The following ADCY8 variants were observed in gnomAD, a reference collection of about 807,000 sequenced individuals.
ADCY8 encodes adenylate cyclase 8.
In ADCY8, 51 loss-of-function variants were observed where a neutral mutation model predicts 119.7. The ratio of observed to expected loss-of-function variants is 0.43; its 90% confidence interval spans 0.34 to 0.54. ADCY8 has a LOEUF of 0.54. Ranked by LOEUF, ADCY8 falls within the 20% of genes least tolerant of loss-of-function variation. ADCY8 has a pLI of 0.03. For missense variants in ADCY8, 1,383 were observed against 1,598.8 expected (o/e 0.87, Z 2.30); for synonymous variants, 665 against 651.0 (o/e 1.02, Z -0.33).
intron 12 of ADCY8, among the ~76,000 whole-genome samples, chr8:130,834,057 C>T (rs1326026817): frequency 6.6e-6 from 1 of 151,890 alleles, no homozygotes; most frequent in Non-Finnish European, 1.5e-5. Context: ...GTGCTGTCAC[C>T]ACCTACAAAA....
At chr8:130,893,116 G>T (rs1435719451) in intron 7 of ADCY8, among the ~76,000 whole-genome samples, 4 of 152,142 alleles carry the variant, frequency 2.6e-5, no homozygotes, top group Admixed American at 6.5e-5. Context: ...TTAAACTTCT[G>T]CAGAATTGGC....
intron 5 of ADCY8, among the ~76,000 whole-genome samples, chr8:130,921,452 T>TTC (rs1171918670): frequency 2.7e-5 from 4 of 147,538 alleles, no homozygotes; most frequent in Admixed American, 6.7e-5. Context: ...TTCTTTTCTT[T>TTC]TTTTTTTTTT....
chr8:131,039,367 G>C lies in ADCY8; in HGVS notation c.960+7C>G. The C allele has an allele frequency of 6.2e-7, 1 of 1,611,718 alleles. No homozygotes were observed. Among genetic ancestry groups the C allele is most frequent in the Non-Finnish European group, 8.5e-7 (1 of 1,178,158 alleles). On this transcript the variant is annotated splice_region_variant and intron_variant, in intron 1 of 17. Coordinates refer to ENST00000286355, the MANE Select transcript of ADCY8 (RefSeq NM_001115.3). ...GGGGAAACAAATGCAAGGCAGGCAG[G>C]AGTTACCTGGTTGATGGAAATGACC...
intron 16 of ADCY8, among the ~76,000 whole-genome samples, chr8:130,785,078 G>C (rs536290212): frequency 6.6e-6 from 1 of 152,294 alleles, no homozygotes; most frequent in African/African-American, 2.4e-5. Context: ...GCTAGTATTA[G>C]GGGTTTAGTA....
chr8:130,866,386 C>T (rs775815384), intron 9 of ADCY8, among the ~76,000 whole-genome samples: 2 of 152,098 alleles, frequency 1.3e-5, no homozygotes, highest in Non-Finnish European at 2.9e-5. Context: ...TCCTGGGGCC[C>T]CTTCTCACCC....
In ADCY8 at chr8:130,903,879, C is replaced by T. The variant is rs761767210; in HGVS notation, c.1804G>A (p.Val602Ile). Residue 602 changes from valine to isoleucine, a missense_variant, in exon 7 of 18, where the codon GTC (valine) becomes ATC (isoleucine). By Grantham distance (29) the Val-to-Ile change is conservative. Coordinates refer to ENST00000286355, the MANE Select transcript of ADCY8 (RefSeq NM_001115.3). Reference protein sequence around the residue: ...DSLLSLPEDIVKESVSSSDRR... With the variant: ...DSLLSLPEDIIKESVSSSDRR... The stretch of plus-strand genomic sequence containing the variant: ...TCTGAGGAGCTCACTGACTCCTTGA[C>T]GATATCTTCAGGCAAGGACAGCAGA... 40 of 1,613,944 alleles carry T rather than the reference C, an allele frequency of 2.5e-5. No homozygotes were observed. The highest frequency in any genetic ancestry group is 6.7e-5 in the East Asian group (3 of 44,844).
intron 4 of ADCY8, among the ~76,000 whole-genome samples, chr8:130,942,800 A>G (rs1443987636): frequency 2.6e-5 from 4 of 152,242 alleles, no homozygotes. Context: ...TTTTGATAGC[A>G]AATGTCCATC....
At chr8:130,844,015 C>T (rs1410344995) in intron 11 of ADCY8, among the ~76,000 whole-genome samples, 1 of 152,090 alleles carries the variant, frequency 6.6e-6, no homozygotes, top group Non-Finnish European at 1.5e-5. Flanking sequence ...GAAGGAAATG[C>T]CAGCATGCCA....
At chr8:130,838,733 A>G (rs1817061593) in intron 11 of ADCY8, among the ~76,000 whole-genome samples, 1 of 141,946 alleles carries the variant, frequency 7.0e-6, no homozygotes, top group Middle Eastern at 3.5e-3. Flanking sequence ...TTGAGTGCCT[A>G]TTACAATCAA....
intron 15 of ADCY8, among the ~76,000 whole-genome samples, chr8:130,792,654 G>A (rs1440234343): frequency 6.6e-6 from 1 of 152,106 alleles, no homozygotes; most frequent in East Asian, 1.9e-4. Context: ...TTCAGGTTCT[G>A]ACCCTGTCTC....
intron 2 of ADCY8, among the ~76,000 whole-genome samples, chr8:130,982,772 C>A (rs1822277063): frequency 6.6e-6 from 1 of 152,206 alleles, no homozygotes; most frequent in Admixed American, 6.5e-5. Context: ...TTCCAAATAT[C>A]ATTTCAATGT....
At chr8:130,893,886 G>A (rs906752230) in intron 7 of ADCY8, among the ~76,000 whole-genome samples, 3 of 151,878 alleles carry the variant, frequency 2.0e-5, no homozygotes, top group Admixed American at 1.3e-4. Flanking sequence ...GTTTGCGGGT[G>A]TGCATGTTTG....
At chr8:131,004,191 A>C (rs1405291219) in intron 1 of ADCY8, among the ~76,000 whole-genome samples, 1 of 152,164 alleles carries the variant, frequency 6.6e-6, no homozygotes, top group Admixed American at 6.5e-5. Context: ...AGCAAAGAAC[A>C]GGCAAAGTAA....
intron 15 of ADCY8, among the ~76,000 whole-genome samples, chr8:130,796,626 G>C (rs1459894651): frequency 6.6e-6 from 1 of 151,656 alleles, no homozygotes; most frequent in South Asian, 2.1e-4. Context: ...AACAAAAAAG[G>C]CAGGTCTGAG....
At chr8:130,795,221 G>A (rs903031130) in intron 15 of ADCY8, among the ~76,000 whole-genome samples, 2 of 152,224 alleles carry the variant, frequency 1.3e-5, no homozygotes, top group African/African-American at 4.8e-5. Flanking sequence ...TTTGAGCTTA[G>A]TATTCACTTT....
intron 6 of ADCY8, among the ~76,000 whole-genome samples, chr8:130,907,288 T>G (rs888430770): frequency 2.6e-5 from 4 of 152,020 alleles, no homozygotes; most frequent in African/African-American, 9.7e-5. Flanking sequence ...CTCGGGTAAT[T>G]CCAAGGCTGA....
intron 1 of ADCY8, among the ~76,000 whole-genome samples, chr8:131,003,971 G>T (rs751072214): frequency 6.6e-6 from 1 of 152,124 alleles, no homozygotes; most frequent in Non-Finnish European, 1.5e-5. Flanking sequence ...CTGGCTCTTT[G>T]CAAATAAAAA....
At chr8:130,944,592 T>C (rs1206821829) in intron 3 of ADCY8, among the ~76,000 whole-genome samples, 1 of 152,202 alleles carries the variant, frequency 6.6e-6, no homozygotes, top group Non-Finnish European at 1.5e-5. Context: ...ATTCTTAAAA[T>C]TCATCTCCTT....
intron 1 of ADCY8, among the ~76,000 whole-genome samples, chr8:131,000,655 G>GT (rs1292922333): frequency 1.3e-5 from 2 of 152,068 alleles, no homozygotes; most frequent in African/African-American, 4.8e-5. Flanking sequence ...GTGATCCCTG[G>GT]TAATGGGAGC....
Sources: allele counts gnomAD v4.1 joint callset (sites outside exome capture counted in the v4.1 genomes callset), GRCh38; gene constraint gnomAD v4.1.1; transcripts MANE v1.5; gene names NCBI Gene and HGNC (gene_info 2026-07-23, HGNC 2026-07-21).